Variants in GNAL observed in about 807,000 individuals in gnomAD.
The protein encoded by GNAL is guanine nucleotide-binding protein G(olf) subunit alpha.
A neutral mutation model predicts 55.1 loss-of-function variants in GNAL; 18 were observed. The ratio of observed to expected loss-of-function variants is 0.33; its 90% confidence interval spans 0.23 to 0.48. GNAL has a LOEUF of 0.48. Among genes scored for constraint, GNAL ranks in the 20% least tolerant of loss-of-function variants. The pLI is 0.99. For synonymous variants in GNAL, 253 were observed against 237.0 expected, an observed-to-expected ratio of 1.07 and a Z score of -0.62; for missense variants, 412 against 614.1, an observed-to-expected ratio of 0.67 and a Z score of 3.48.
chr18:11,694,261 C>A (rs1214624191), intron 1 of GNAL, among the ~76,000 whole-genome samples: 1 of 152,154 alleles, frequency 6.6e-6, no homozygotes, highest in South Asian at 2.1e-4. Flanking sequence ...AAAGGTTTAA[C>A]TCCCTGTGTC....
intron 4 of GNAL, among the ~76,000 whole-genome samples, chr18:11,755,319 G>A (rs9957311): frequency 0.32 from 48,079 of 151,964 alleles, 8,367 homozygotes; most frequent in African/African-American, 0.46. Flanking sequence ...TCTCTCTGTC[G>A]TCCAGGCTGG....
chr18:11,714,417 G>T (rs2143375551), intron 1 of GNAL, among the ~76,000 whole-genome samples: 1 of 152,300 alleles, frequency 6.6e-6, no homozygotes, highest in African/African-American at 2.4e-5. Context: ...GTCTTGTGAG[G>T]CTTTGCTGAG....
At chr18:11,863,915 C>A (rs1221222649) in intron 6 of GNAL, among the ~76,000 whole-genome samples, 1 of 152,196 alleles carries the variant, frequency 6.6e-6, no homozygotes, top group Non-Finnish European at 1.5e-5. Flanking sequence ...GGATGTCCCT[C>A]TGGAATGCTG....
rs555902532 is a variant in GNAL, at chr18:11,851,602, G to C, written c.723-10793G>C. ...CAAAAAATGCGATAAGGAGGAAAAG[G>C]CCGAAAAGGCCAAAATTAAAAAGGC... is the stretch of plus-strand genomic sequence containing the variant. On this transcript the variant is annotated intron_variant, in intron 5 of 11. Transcript: ENST00000334049. 8 of 1,613,620 alleles carry C rather than the reference G, an allele frequency of 5.0e-6. No individual in the cohort carries two copies. The highest frequency in any genetic ancestry group is 3.3e-5 in the Admixed American group (2 of 59,908).
At chr18:11,755,633 A>C (rs1437167933) in intron 4 of GNAL, among the ~76,000 whole-genome samples, 1 of 152,154 alleles carries the variant, frequency 6.6e-6, no homozygotes, top group African/African-American at 2.4e-5. Context: ...TTTGCTTCTG[A>C]TAAGCATGCC....
intron 1 of GNAL, among the ~76,000 whole-genome samples, chr18:11,704,423 G>A (rs1174702572): frequency 6.6e-6 from 1 of 152,242 alleles, no homozygotes; most frequent in Non-Finnish European, 1.5e-5. Context: ...ACAACTAATG[G>A]CCCAGGGTCT....
chr18:11,864,192 T>G (rs2036210727), intron 6 of GNAL, among the ~76,000 whole-genome samples: 1 of 151,470 alleles, frequency 6.6e-6, no homozygotes, highest in African/African-American at 2.4e-5. Context: ...GTTCAAGCGA[T>G]TCTCCTGCCT....
At chr18:11,865,162 C>T (rs186996168) in intron 7 of GNAL, among the ~76,000 whole-genome samples, 10 of 140,198 alleles carry the variant, frequency 7.1e-5, no homozygotes, top group Non-Finnish European at 1.3e-4. Flanking sequence ...ATTTCAGTCG[C>T]CCTTCTCAGT....
chr18:11,724,012 T>G (rs2032156384), intron 1 of GNAL, among the ~76,000 whole-genome samples: 1 of 152,198 alleles, frequency 6.6e-6, no homozygotes. Context: ...CCTATTATAG[T>G]CATTTCCTCT....
At chr18:11,852,068 A>T (rs761272544) in intron 5 of GNAL, 2 of 1,612,738 alleles carry the variant, frequency 1.2e-6, no homozygotes, top group Non-Finnish European at 1.7e-6. Context: ...GCGGAGCAGG[A>T]TGAACTGTCT....
intron 7 of GNAL, among the ~76,000 whole-genome samples, chr18:11,866,230 C>T (rs1271070485): frequency 6.7e-6 from 1 of 150,308 alleles, no homozygotes; most frequent in East Asian, 1.9e-4. Flanking sequence ...GGATTCTGCT[C>T]ATCAGCTCAT....
Position 11,752,744 on chromosome 18 carries a change from G to T in GNAL, c.377-109G>T, listed in dbSNP as rs2032897822. On this transcript the variant is annotated intron_variant, in intron 1 of 11. Coordinates refer to ENST00000334049, the MANE Select transcript of GNAL (RefSeq NM_182978.4). This position sits in a 1 kb window ranked among gnomAD's most constrained non-coding sequence, Gnocchi z 4.5. The stretch of plus-strand genomic sequence containing the variant: ...AGCTCCTCCAGCCAGGAACCCGCGT[G>T]TAGGAAATCCCCGTGCTGGGGGAGG... The T allele has an allele frequency of 8.7e-7, 1 of 1,155,642 alleles. No homozygotes were observed. 71.6% of individuals were successfully genotyped at this position (1,155,642 alleles called of 1,614,324 possible). A position where few individuals can be genotyped will look rare whatever the true frequency, so the allele number is the denominator to read the frequency against.
intron 5 of GNAL, among the ~76,000 whole-genome samples, chr18:11,840,221 G>A (rs568212038): frequency 3.4e-4 from 51 of 152,200 alleles, no homozygotes; most frequent in African/African-American, 9.6e-4. Flanking sequence ...CATTCTATTC[G>A]ATATTTGTGA....
intron 4 of GNAL, among the ~76,000 whole-genome samples, chr18:11,812,259 G>A (rs929037373): frequency 5.3e-5 from 8 of 152,174 alleles, no homozygotes; most frequent in Non-Finnish European, 8.8e-5. Context: ...GGAAATAAAA[G>A]ATAGCATCCC....
chr18:11,848,504 TGTAGTGCACTGGC>T (rs958378195), intron 5 of GNAL, among the ~76,000 whole-genome samples: 7 of 151,558 alleles, frequency 4.6e-5, no homozygotes, highest in African/African-American at 1.7e-4. Flanking sequence ...TCACCCAGGC[TGTAGTGCACTGGC>T]GTGATCTCAG....
At chr18:11,858,260 G>GGA (rs1555614821) in intron 5 of GNAL, among the ~76,000 whole-genome samples, 5 of 150,932 alleles carry the variant, frequency 3.3e-5, no homozygotes, top group Admixed American at 6.6e-5. Flanking sequence ...AGGAAATAAT[G>GGA]AAAAAAAAAT....
chr18:11,803,626 T>C (rs979689633), intron 4 of GNAL, among the ~76,000 whole-genome samples: 9 of 152,248 alleles, frequency 5.9e-5, no homozygotes, highest in Non-Finnish European at 1.2e-4. Flanking sequence ...AGGTGCAGTT[T>C]GGATGGAACA....
At chr18:11,782,310 C>T (rs2033943000) in intron 4 of GNAL, among the ~76,000 whole-genome samples, 1 of 152,018 alleles carries the variant, frequency 6.6e-6, no homozygotes, top group Non-Finnish European at 1.5e-5. Flanking sequence ...GAGCTAGACT[C>T]CGTCTCAAAA....
intron 1 of GNAL, among the ~76,000 whole-genome samples, chr18:11,721,901 TAAATAA>T: frequency 8.7e-6 from 1 of 115,604 alleles, no homozygotes; most frequent in African/African-American, 4.0e-5. Flanking sequence ...AATAAATAAA[TAAATAA>T]ATAAATAAAT....
Sources: allele counts gnomAD v4.1 joint callset (sites outside exome capture counted in the v4.1 genomes callset), GRCh38; gene constraint gnomAD v4.1.1; non-coding constraint Gnocchi (gnomAD v3.1); transcripts MANE v1.5; gene names NCBI Gene and HGNC (gene_info 2026-07-23, HGNC 2026-07-21).